TWF1: variants seen among roughly 807,000 people sequenced by gnomAD.
TWF1 encodes the protein twinfilin actin binding protein 1.
A neutral mutation model predicts 47.9 loss-of-function variants in TWF1; 14 were observed. The observed-to-expected ratio is 0.29, with a 90% confidence interval of 0.19 to 0.46. TWF1 has a LOEUF of 0.46. TWF1 is among the 20% of genes least tolerant of loss of function. The pLI is 1.00. For synonymous variants in TWF1, 96 were observed against 139.2 expected, an observed-to-expected ratio of 0.69 and a Z score of 2.18; for missense variants, 281 against 409.3, an observed-to-expected ratio of 0.69 and a Z score of 2.70.
At chr12:43,797,591 A>G (rs753641006) in intron 6 of TWF1, 117 bp downstream of exon 6, 1 of 1,440,316 alleles carries the variant, frequency 6.9e-7, no homozygotes, top group Non-Finnish European at 9.3e-7. Context: ...CATTTACAAA[A>G]TGAATTTTAG....
intron 1 of TWF1, chr12:43,805,870 C>G (rs530091068): frequency 9.8e-5 from 141 of 1,435,274 alleles, no homozygotes; most frequent in Admixed American, 2.4e-4. Flanking sequence ...GTCGCCTCCA[C>G]TGTCCCAGCT....
At chr12:43,806,022 GGGACCGGGCTGGA>G (rs1942759972) in intron 1 of TWF1, 186 bp downstream of exon 1, 11 of 1,522,866 alleles carry the variant, frequency 7.2e-6, no homozygotes, top group Non-Finnish European at 8.8e-6. Context: ...GACGGCAGCA[GGGACCGGGCTGGA>G]GGAGGACGCA....
In TWF1 at chr12:43,794,215, G is replaced by A. The variant is rs1208377250; in HGVS notation, c.*1370C>T. ...TTTAGTAAACAAGTGCAACATTATT[G>A]TCAGTTATTTTGCATGTTTAAATAT... is the stretch of plus-strand genomic sequence containing the variant. On this transcript the variant is annotated 3_prime_UTR_variant, in exon 9 of 9. Coordinates refer to ENST00000395510, the MANE Select transcript of TWF1 (RefSeq NM_002822.5). 1.3e-5 allele frequency: 2 copies of A among 152,612 alleles called. No individual in the cohort carries two copies. Among genetic ancestry groups the A allele is most frequent in the African/African-American group, 4.8e-5 (2 of 41,446 alleles). 9.5% of individuals were successfully genotyped at this position (152,612 alleles called of 1,614,324 possible). A position where few individuals can be genotyped will look rare whatever the true frequency, so the allele number is the denominator to read the frequency against.
intron 2 of TWF1, chr12:43,804,173 C>A: frequency 2.6e-6 from 1 of 385,970 alleles, no homozygotes; most frequent in Non-Finnish European, 5.2e-6. Context: ...TTTTGATAAT[C>A]ACCTGTTTAG....
At chr12:43,805,754 G>GA in intron 1 of TWF1, 1 of 1,329,232 alleles carries the variant, frequency 7.5e-7, no homozygotes, top group South Asian at 1.1e-5. Context: ...ACTGATGTGA[G>GA]AAAGATTCTG....
At chr12:43,798,273 C>A (rs1358258154) in intron 5 of TWF1, among the ~76,000 whole-genome samples, 1 of 152,056 alleles carries the variant, frequency 6.6e-6, no homozygotes, top group African/African-American at 2.4e-5. Flanking sequence ...AAACAGTGTA[C>A]AAAGACAACA....
chr12:43,805,471 G>A, intron 1 of TWF1: 1 of 449,232 alleles, frequency 2.2e-6, no homozygotes, highest in Non-Finnish European at 4.5e-6. Flanking sequence ...AACTCGTTAA[G>A]TGATCGCGAG....
intron 2 of TWF1, chr12:43,804,211 T>C: frequency 2.1e-6 from 1 of 472,162 alleles, no homozygotes; most frequent in Non-Finnish European, 4.2e-6. Flanking sequence ...ATGGAAGCAC[T>C]GACATTAGAA....
At chr12:43,800,646 G>A (rs1942643033) in intron 3 of TWF1, 116 bp from the exon 4 acceptor site, 2 of 724,202 alleles carry the variant, frequency 2.8e-6, no homozygotes, top group Admixed American at 4.9e-5. Context: ...CTGAGCTGAA[G>A]TCCACCCACT....
chr12:43,800,421 T>C lies in TWF1; in HGVS notation c.378+14A>G, dbSNP rs1415780178. 5.0e-6 allele frequency: 8 copies of C among 1,596,612 alleles called. No individual in the cohort carries two copies. Among genetic ancestry groups the C allele is most frequent in the Admixed American group, 1.7e-5 (1 of 58,998 alleles). ...TTAATTGCAACATATAGAATCCACA[T>C]ACAAACATAATACCTTTACTGTTCC... is the stretch of plus-strand genomic sequence containing the variant. On this transcript the variant is annotated intron_variant, in intron 4 of 8. Transcript: ENST00000395510.
intron 1 of TWF1, 97 bp from the exon 2 acceptor site, chr12:43,804,669 C>A (rs1375632796): frequency 3.9e-6 from 3 of 771,270 alleles, no homozygotes; most frequent in South Asian, 3.8e-5. Context: ...AAGAAAAAAT[C>A]TGGAGCATGT....
At chr12:43,796,927 GA>G in intron 8 of TWF1, 48 bp downstream of exon 8, 1 of 1,572,806 alleles carries the variant, frequency 6.4e-7, no homozygotes. Flanking sequence ...ACATAGAAAT[GA>G]AAAGAAAAAT....
intron 4 of TWF1, 90 bp downstream of exon 4, chr12:43,800,345 A>G (rs1234801063): frequency 1.2e-6 from 1 of 851,580 alleles, no homozygotes; most frequent in Non-Finnish European, 1.9e-6. Flanking sequence ...CAGATTATCC[A>G]TCTGAATTCG....
chr12:43,797,647 CTA>C lies in TWF1; in HGVS notation c.609+59_609+60del, dbSNP rs1005670687. On this transcript the variant is annotated intron_variant, in intron 6 of 8. Transcript: ENST00000395510. ...ATGTAAAATCCATTAATAATAAACCCTATATGAGTCATAAACTACCAAAAAGA... is the reference window on the plus strand; with the variant it reads ...ATGTAAAATCCATTAATAATAAACCCTATGAGTCATAAACTACCAAAAAGA... 1.2e-5 allele frequency: 19 copies of C among 1,567,540 alleles called. No individual in the cohort carries two copies. The African/African-American group carries it at 1.9e-4, about 16-fold the overall frequency.
chr12:43,801,985 G>A (rs138776593), intron 3 of TWF1, among the ~76,000 whole-genome samples: 1 of 152,254 alleles, frequency 6.6e-6, no homozygotes, highest in East Asian at 1.9e-4. Context: ...AGCCGAAACT[G>A]CACCACAGCA....
At chr12:43,797,879 C>T in intron 5 of TWF1, 46 bp from the exon 6 acceptor site, 1 of 1,575,050 alleles carries the variant, frequency 6.3e-7, no homozygotes, top group South Asian at 1.2e-5. Context: ...TTAGCAGTAT[C>T]CTATGGCAAA....
At chr12:43,801,483 T>G (rs545119301) in intron 3 of TWF1, among the ~76,000 whole-genome samples, 18 of 152,318 alleles carry the variant, frequency 1.2e-4, no homozygotes, top group Non-Finnish European at 5.9e-5. Context: ...TTCAAATTAA[T>G]TTTTTAAATA....
At chr12:43,797,897 A>AAACCCAACCTCTAT in intron 5 of TWF1, 64 bp from the exon 6 acceptor site, 1 of 1,519,208 alleles carries the variant, frequency 6.6e-7, no homozygotes, top group Non-Finnish European at 8.9e-7. Context: ...AAACATAAGA[A>AAACCCAACCTCTAT]AACCCAACCT....
intron 1 of TWF1, chr12:43,805,961 T>C: frequency 6.5e-7 from 1 of 1,543,586 alleles, no homozygotes; most frequent in Non-Finnish European, 8.7e-7. Flanking sequence ...CCAGGCCGCC[T>C]CGAAAGCCAA....
Sources: allele counts gnomAD v4.1 joint callset (sites outside exome capture counted in the v4.1 genomes callset), GRCh38; gene constraint gnomAD v4.1.1; transcripts MANE v1.5; gene names NCBI Gene and HGNC (gene_info 2026-07-23, HGNC 2026-07-21).